Variants in KCNQ3 observed in about 807,000 individuals in gnomAD.
KCNQ3 encodes potassium voltage-gated channel subfamily KQT member 3.
In KCNQ3, 30 loss-of-function variants were observed where a neutral mutation model predicts 92.5. The ratio of observed to expected loss-of-function variants is 0.32; its 90% CI spans 0.24 to 0.44. The LOEUF (loss-of-function observed/expected upper bound fraction) is 0.44. Ranked by LOEUF, KCNQ3 falls within the 20% of genes least tolerant of loss-of-function variation. KCNQ3 has a pLI of 1.00. For missense variants in KCNQ3, 913 were observed against 1,140.3 expected (o/e 0.80, Z 2.87); for synonymous variants, 450 against 468.8 (o/e 0.96, Z 0.52).
intron 1 of KCNQ3, among the ~76,000 whole-genome samples, chr8:132,429,861 C>CAAAAAA (rs374921143): frequency 1.1e-3 from 73 of 64,048 alleles, no homozygotes; most frequent in Middle Eastern, 8.6e-3. Context: ...AACTCCTTCT[C>CAAAAAA]AAAAAAAAAA....
chr8:132,456,652 G>A (rs1821948390), intron 1 of KCNQ3, among the ~76,000 whole-genome samples: 1 of 151,404 alleles, frequency 6.6e-6, no homozygotes, highest in African/African-American at 2.4e-5. Context: ...CTGTCGCCCA[G>A]GCTGCAGTGC....
intron 1 of KCNQ3, among the ~76,000 whole-genome samples, chr8:132,317,248 T>C (rs867528398): frequency 6.6e-6 from 1 of 152,202 alleles, no homozygotes; most frequent in Non-Finnish European, 1.5e-5. Context: ...AAAATAGTTG[T>C]AAGGTGACTC....
At chr8:132,139,386 G>T (rs1213883311) in intron 11 of KCNQ3, among the ~76,000 whole-genome samples, 1 of 151,914 alleles carries the variant, frequency 6.6e-6, no homozygotes, top group East Asian at 1.9e-4. Context: ...CACGTCCAAG[G>T]CTTTGCTGAG....
chr8:132,335,872 C>T (rs1485185474), intron 1 of KCNQ3, among the ~76,000 whole-genome samples: 1 of 152,072 alleles, frequency 6.6e-6, no homozygotes, highest in Non-Finnish European at 1.5e-5. Flanking sequence ...ACTAGTGGTT[C>T]CATTTATTTA....
At chr8:132,192,553 T>C (rs1473187504) in intron 1 of KCNQ3, among the ~76,000 whole-genome samples, 2 of 152,198 alleles carry the variant, frequency 1.3e-5, no homozygotes, top group Non-Finnish European at 2.9e-5. Flanking sequence ...TTCCTCTCTC[T>C]ACATTCTCAC....
At chr8:132,153,745 A>G (rs1422994457) in intron 9 of KCNQ3, among the ~76,000 whole-genome samples, 1 of 146,664 alleles carries the variant, frequency 6.8e-6, no homozygotes, top group Non-Finnish European at 1.5e-5. Context: ...CCCCCCCCCC[A>G]TTAACATGGG....
chr8:132,291,780 G>GT (rs1181716338), intron 1 of KCNQ3, among the ~76,000 whole-genome samples: 1 of 152,132 alleles, frequency 6.6e-6, no homozygotes, highest in Non-Finnish European at 1.5e-5. Context: ...CTATAACTGC[G>GT]TATTAGGAAC....
intron 1 of KCNQ3, among the ~76,000 whole-genome samples, chr8:132,235,314 C>T (rs371619721): frequency 7.9e-5 from 12 of 152,238 alleles, no homozygotes; most frequent in African/African-American, 2.9e-4. Flanking sequence ...ACCAGCCTGA[C>T]CAACATGGTG....
intron 1 of KCNQ3, among the ~76,000 whole-genome samples, chr8:132,365,469 A>G (rs1010923177): frequency 1.3e-5 from 2 of 152,226 alleles, no homozygotes; most frequent in African/African-American, 4.8e-5. Flanking sequence ...TTCACAATGT[A>G]GCACCTTGGC....
intron 1 of KCNQ3, among the ~76,000 whole-genome samples, chr8:132,230,927 C>A (rs1429538343): frequency 6.6e-6 from 1 of 152,144 alleles, no homozygotes; most frequent in African/African-American, 2.4e-5. Flanking sequence ...TGTTTGGAAA[C>A]AGGGTCTTAC....
chr8:132,434,021 A>C (rs1272032789), intron 1 of KCNQ3, among the ~76,000 whole-genome samples: 10 of 152,202 alleles, frequency 6.6e-5, no homozygotes, highest in Admixed American at 2.6e-4. Flanking sequence ...ATCCCGGCTA[A>C]AACGGTGAAA....
chr8:132,416,453 C>T (rs962458124), intron 1 of KCNQ3, among the ~76,000 whole-genome samples: 1 of 151,988 alleles, frequency 6.6e-6, no homozygotes, highest in Admixed American at 6.6e-5. Flanking sequence ...CATGGTGAAA[C>T]CTCATCTCTA....
intron 11 of KCNQ3, among the ~76,000 whole-genome samples, chr8:132,139,630 C>CA (rs367692296): frequency 2.6e-5 from 4 of 151,952 alleles, no homozygotes; most frequent in Middle Eastern, 3.4e-3. Flanking sequence ...CTGATACAGA[C>CA]AAAAAAATAC....
chr8:132,401,781 C>T (rs1586988380), intron 1 of KCNQ3, among the ~76,000 whole-genome samples: 1 of 152,234 alleles, frequency 6.6e-6, no homozygotes, highest in East Asian at 1.9e-4. Context: ...CTAGTCAGTG[C>T]TGATGCAAAA....
intron 1 of KCNQ3, among the ~76,000 whole-genome samples, chr8:132,460,847 T>C (rs1036886939): frequency 2.0e-5 from 3 of 152,300 alleles, no homozygotes; most frequent in African/African-American, 7.2e-5. Context: ...CAGAATAATT[T>C]CACCACCCTA....
intron 1 of KCNQ3, among the ~76,000 whole-genome samples, chr8:132,215,588 A>G (rs1470356059): frequency 6.6e-6 from 1 of 152,114 alleles, no homozygotes; most frequent in Non-Finnish European, 1.5e-5. Flanking sequence ...CTCCTCAAGG[A>G]TCTTTTACTG....
chr8:132,396,565 G>C (rs1469443406), intron 1 of KCNQ3, among the ~76,000 whole-genome samples: 3 of 152,070 alleles, frequency 2.0e-5, no homozygotes, highest in Admixed American at 6.5e-5. Flanking sequence ...CAAAAATCTA[G>C]ATACCAAAAC....
intron 1 of KCNQ3, among the ~76,000 whole-genome samples, chr8:132,473,973 C>T (rs542478000): frequency 6.6e-6 from 1 of 152,316 alleles, no homozygotes; most frequent in African/African-American, 2.4e-5. Context: ...CCTCAGAATG[C>T]AGTCAGTGGG....
At chr8:132,305,028 TC>T (rs1157933561) in intron 1 of KCNQ3, among the ~76,000 whole-genome samples, 2 of 152,148 alleles carry the variant, frequency 1.3e-5, no homozygotes, top group African/African-American at 4.8e-5. Flanking sequence ...CAGAGCCATT[TC>T]TCTCTTTCCT....
Sources: gnomAD v4.1 joint callset for allele counts (sites outside exome capture counted in the v4.1 genomes callset) on GRCh38, gnomAD v4.1.1 for gene constraint, MANE v1.5 for transcripts, NCBI Gene and HGNC (gene_info 2026-07-23, HGNC 2026-07-21) for gene names.